Variants in SPTY2D1 observed in about 807,000 individuals in gnomAD.
The protein encoded by SPTY2D1 is protein SPT2 homolog.
A neutral mutation model predicts 64.0 loss-of-function variants in SPTY2D1; 21 were observed. The ratio of observed to expected loss-of-function variants is 0.33; its 90% confidence interval spans 0.23 to 0.47. The LOEUF (loss-of-function observed/expected upper bound fraction) is 0.47. Among genes scored for constraint, SPTY2D1 ranks in the 20% least tolerant of loss-of-function variants. The pLI is 1.00. For missense variants in SPTY2D1, 724 were observed against 837.2 expected (o/e 0.86, Z 1.67); for synonymous variants, 287 against 286.8 (o/e 1.00, Z -0.01).
At chr11:18,626,054 A>G (rs1329253938) in intron 1 of SPTY2D1, among the ~76,000 whole-genome samples, 1 of 152,008 alleles carries the variant, frequency 6.6e-6, no homozygotes, top group African/African-American at 2.4e-5. Flanking sequence ...GCCTGACCTC[A>G]TGATCCACCC....
intron 1 of SPTY2D1, among the ~76,000 whole-genome samples, chr11:18,633,508 C>T (rs1262658612): frequency 6.6e-6 from 1 of 152,234 alleles, no homozygotes; most frequent in African/African-American, 2.4e-5. Context: ...AGCGAACTGA[C>T]AAACATCTAC....
At chr11:18,622,097 A>AC (rs1854417357) in intron 1 of SPTY2D1, among the ~76,000 whole-genome samples, 2 of 147,742 alleles carry the variant, frequency 1.4e-5, no homozygotes, top group Non-Finnish European at 3.0e-5. Flanking sequence ...AAAAAAAAAA[A>AC]AAAAAAACCA....
At position 18,609,850 on chromosome 11, in the gene SPTY2D1, A is replaced by C. The variant is rs566162296; in HGVS notation, c.*11T>G. 27 of 1,613,260 alleles carry C rather than the reference A, an allele frequency of 1.7e-5. No individual in the cohort carries two copies. The East Asian group carries it at 5.8e-4, about 35-fold the overall frequency. ...AGCAGCTCTAGAATTTCACAAAAAT[A>C]AAAGCAGCAGCTAACGCCTCTTCAG... On this transcript the variant is annotated 3_prime_UTR_variant, in exon 6 of 6. Coordinates refer to ENST00000336349, the MANE Select transcript of SPTY2D1 (RefSeq NM_194285.3).
chr11:18,616,853 G>A lies in SPTY2D1; in HGVS notation c.175+22C>T, dbSNP rs527841734. Reference sequence around the variant, plus strand: ...TGAAGATGGAATACTTTAAAATTGAGAATAAGGCTATAGATACATACCTTT... The same window carrying A: ...TGAAGATGGAATACTTTAAAATTGAAAATAAGGCTATAGATACATACCTTT... On this transcript the variant is annotated intron_variant, in intron 2 of 5. Coordinates refer to ENST00000336349, the MANE Select transcript of SPTY2D1 (RefSeq NM_194285.3). 108 of 1,606,236 alleles carry A rather than the reference G, an allele frequency of 6.7e-5. No individual in the cohort carries two copies. The East Asian group carries it at 2.3e-3, about 34-fold the overall frequency.
chr11:18,630,862 C>A (rs1854576056), intron 1 of SPTY2D1, among the ~76,000 whole-genome samples: 1 of 152,036 alleles, frequency 6.6e-6, no homozygotes, highest in Non-Finnish European at 1.5e-5. Flanking sequence ...CGCTCTGTCA[C>A]CCCGGCTGGA....
Position 18,612,461 on chromosome 11 carries a change from C to T in SPTY2D1, c.1739G>A (p.Gly580Asp). 1.2e-6 allele frequency: 2 copies of T among 1,604,488 alleles called. No homozygotes were observed. Among genetic ancestry groups the T allele is most frequent in the Non-Finnish European group, 1.7e-6 (2 of 1,175,548 alleles). ...QGPQRLPFPT[G>D]YKRQREYEEE... ...TTCATATTCTCGCTGCCTTTTGTAA[C>T]CAGTAGGGAAGGGAAGCCTTTGAGG... is the stretch of plus-strand genomic sequence containing the variant. The change falls in exon 4 of 6, where the codon GGT (glycine) becomes GAT (aspartate). Residue 580 changes from glycine (G) to aspartate (D), a missense_variant. Transcript: ENST00000336349. This position sits in a 1 kb window ranked among gnomAD's most constrained non-coding sequence, Gnocchi z 4.6.
rs570527024 is a variant in SPTY2D1, at chr11:18,607,370, A to G, written c.*2491T>C. 1 of 152,808 alleles carries G rather than the reference A, an allele frequency of 6.5e-6. No individual in the cohort carries two copies. The highest frequency in any genetic ancestry group is 1.9e-4 in the East Asian group (1 of 5,190). The allele number at this position is 152,808 out of a possible 1,614,324, so 9.5% of individuals were successfully genotyped here. A position where few individuals can be genotyped will look rare whatever the true frequency, so the allele number is the denominator to read the frequency against. On this transcript the variant is annotated 3_prime_UTR_variant, in exon 6 of 6. Coordinates refer to ENST00000336349, the MANE Select transcript of SPTY2D1 (RefSeq NM_194285.3). ...CAAGTGGGACTGTGCAATCAGAGCCATGAGTTTTATGAAAACTACTTTCCT... is the reference window on the plus strand; with the variant it reads ...CAAGTGGGACTGTGCAATCAGAGCCGTGAGTTTTATGAAAACTACTTTCCT...
rs545912306 is a variant in SPTY2D1 at position 18,628,199 on chromosome 11, C to G, written c.60+5999G>C. ...AACCTTGTACAGAAAATACTGAAAT[C>G]CTGTTAAGCTTCCCCAGACCTTGCC... is the stretch of plus-strand genomic sequence containing the variant. On this transcript the variant is annotated intron_variant, in intron 1 of 5. Transcript: ENST00000336349. 5.9e-5 allele frequency among the ~76,000 whole-genome samples: 9 copies of G among 152,330 alleles called. No individual in the cohort carries two copies. In the South Asian group the frequency reaches 1.4e-3, roughly 25 times the overall value.
At position 18,612,658 on chromosome 11, in the gene SPTY2D1, G is replaced by C. The variant is rs1854225668; in HGVS notation, c.1712-170C>G. Among the ~76,000 whole-genome samples the C allele has an allele frequency of 6.6e-6, 1 of 152,112 alleles. No homozygotes were observed. Among genetic ancestry groups the C allele is most frequent in the African/African-American group, 2.4e-5 (1 of 41,400 alleles). The stretch of plus-strand genomic sequence containing the variant: ...CTTGCTGTGTCATGGTATCCAGAAG[G>C]AACAGAACTCCTGTTTTATCCCAGG... On this transcript the variant is annotated intron_variant, in intron 3 of 5. Transcript: ENST00000336349. The surrounding 1 kb of genome is among the most constrained non-coding windows in gnomAD (Gnocchi z 4.6).
rs921425654 is a variant in SPTY2D1 at position 18,615,864 on chromosome 11, G to A, written c.410C>T (p.Ala137Val). The A allele has an allele frequency of 6.8e-6, 11 of 1,613,874 alleles. No individual in the cohort carries two copies. Among genetic ancestry groups the A allele is most frequent in the African/African-American group, 1.3e-5 (1 of 74,848 alleles). The stretch of plus-strand genomic sequence containing the variant: ...TTCCTCATACTCCTGCTCTGACTCT[G>A]CGTGATTGTACTCGAGGAATTCATT... ...EENEFLEYNHAESEQEYEEEQ... is the reference protein window; with the variant it reads ...EENEFLEYNHVESEQEYEEEQ... Residue 137 changes from alanine to valine, a missense_variant, in exon 3 of 6, where the codon GCA becomes GTA. By Grantham distance (64) the Ala-to-Val change is moderately conservative. Transcript: ENST00000336349.
intron 1 of SPTY2D1, among the ~76,000 whole-genome samples, chr11:18,624,092 A>G (rs1320299017): frequency 6.6e-6 from 1 of 152,050 alleles, no homozygotes; most frequent in Non-Finnish European, 1.5e-5. Flanking sequence ...AGCAGGCAAG[A>G]CCTTTCAAAA....
intron 4 of SPTY2D1, 152 bp from the exon 5 acceptor site, chr11:18,611,706 G>A: frequency 1.4e-6 from 1 of 690,412 alleles, no homozygotes; most frequent in South Asian, 1.9e-5. Context: ...GAGGGGAGTG[G>A]AGGATGGATA....
chr11:18,633,489 G>A (rs796946726), intron 1 of SPTY2D1, among the ~76,000 whole-genome samples: 7 of 152,346 alleles, frequency 4.6e-5, no homozygotes, highest in African/African-American at 1.7e-4. Context: ...CACCGCTCTT[G>A]CGACTGTAAG....
At chr11:18,613,844 C>A (rs1854245254) in intron 3 of SPTY2D1, among the ~76,000 whole-genome samples, 2 of 152,006 alleles carry the variant, frequency 1.3e-5, no homozygotes, top group Admixed American at 1.3e-4. Context: ...TTATAACAAG[C>A]AGAAACACAA....
rs1854150109 is a variant in SPTY2D1 at position 18,608,980 on chromosome 11, TGGGGGAGG to T, written c.*873_*880del. ...TTGGGATTTCAAAATATCTTTATGATGGGGGAGGGGAGGAGGGGAGAGCCTCACATGTT... is the reference window on the plus strand; with the variant it reads ...TTGGGATTTCAAAATATCTTTATGATGGAGGAGGGGAGAGCCTCACATGTT... On this transcript the variant is annotated 3_prime_UTR_variant, in exon 6 of 6. Coordinates refer to ENST00000336349, the MANE Select transcript of SPTY2D1 (RefSeq NM_194285.3). 6.7e-6 allele frequency: 1 copy of T among 149,382 alleles called. No individual in the cohort carries two copies. Among genetic ancestry groups the T allele is most frequent in the South Asian group, 2.1e-4 (1 of 4,804 alleles). 9.3% of individuals were successfully genotyped at this position (149,382 alleles called of 1,614,324 possible).
intron 1 of SPTY2D1, among the ~76,000 whole-genome samples, chr11:18,623,067 C>T (rs1854441576): frequency 6.6e-6 from 1 of 152,144 alleles, no homozygotes; most frequent in African/African-American, 2.4e-5. Context: ...TTACTGATAA[C>T]ATAGTCAATT....
rs1336179003 is a variant in SPTY2D1, at chr11:18,614,851, G to A, written c.1423C>T (p.Leu475Phe). 6.2e-7 allele frequency: 1 copy of A among 1,613,766 alleles called. No homozygotes were observed. The highest frequency in any genetic ancestry group is 1.7e-5 in the Admixed American group (1 of 60,020). Residue 475 changes from leucine (L) to phenylalanine (F), a missense_variant, in exon 3 of 6, where the codon CTT (leucine) becomes TTT (phenylalanine). Leu to Phe is a conservative substitution (Grantham distance 22). This residue lies in a region of SPTY2D1 where 426 missense variants were observed against 431.8 expected (regional missense o/e 0.99). Coordinates refer to ENST00000336349, the MANE Select transcript of SPTY2D1 (RefSeq NM_194285.3). ...CCCAAGCCACTCACTGGTCGTCGAA[G>A]TTCATGTGGACTGCTCACAGGCCGG... ...PGRPVSSPHE[L>F]RRPVSGLGPP...
chr11:18,634,128 C>T (rs1010997848), intron 1 of SPTY2D1, 70 bp downstream of exon 1: 14 of 1,568,636 alleles, frequency 8.9e-6, no homozygotes, highest in Non-Finnish European at 1.2e-5. Context: ...CCCAGAAGTT[C>T]CATGGGCCAC....
chr11:18,619,776 T>C (rs1854361862), intron 1 of SPTY2D1, among the ~76,000 whole-genome samples: 1 of 151,896 alleles, frequency 6.6e-6, no homozygotes, highest in East Asian at 1.9e-4. Flanking sequence ...AAACAAAAAT[T>C]TCCTGTCCCT....
Sources: allele counts gnomAD v4.1 joint callset (sites outside exome capture counted in the v4.1 genomes callset), GRCh38; gene constraint gnomAD v4.1.1; regional missense constraint gnomAD v4.1.1; non-coding constraint Gnocchi (gnomAD v3.1); transcripts MANE v1.5; gene names NCBI Gene and HGNC (gene_info 2026-07-23, HGNC 2026-07-21).